Variants in TET2 observed in about 807,000 individuals in gnomAD.
The protein encoded by TET2 is tet methylcytosine dioxygenase 2, also known as methylcytosine dioxygenase TET2.
Under a neutral mutation model 142.9 loss-of-function variants are expected in TET2, and 299 were observed. The observed-to-expected ratio is 2.09, with a 90% CI of 1.90 to 2.30. The LOEUF is 2.30. TET2 is among the 30% of genes most tolerant of loss of function. The probability of loss-of-function intolerance (pLI) is 0.00; values close to 1 mark genes in which losing one functional copy is unlikely to be tolerated. For missense variants in TET2, 2,418 were observed against 2,378.0 expected, an observed-to-expected ratio of 1.02 and a Z score of -0.35; for synonymous variants, 819 against 849.0, an observed-to-expected ratio of 0.96 and a Z score of 0.61.
chr4:105,166,767 G>T (rs1467857703), intron 1 of TET2, among the ~76,000 whole-genome samples: 1 of 151,920 alleles, frequency 6.6e-6, no homozygotes, highest in Non-Finnish European at 1.5e-5. Context: ...GGGAAACATT[G>T]GTACGTTGTT....
chr4:105,172,001 A>T (rs559622365), intron 1 of TET2, among the ~76,000 whole-genome samples: 3 of 152,274 alleles, frequency 2.0e-5, no homozygotes, highest in East Asian at 1.9e-4. Flanking sequence ...TTGGTTTTTC[A>T]TGTGGTACTG....
At chr4:105,239,400 G>A in intron 3 of TET2, 1 of 240,550 alleles carries the variant, frequency 4.2e-6, no homozygotes, top group Non-Finnish European at 8.8e-6. Context: ...ACCTTCATCA[G>A]TGATCTTAGC....
At chr4:105,183,606 TAG>T (rs1305715081) in intron 1 of TET2, among the ~76,000 whole-genome samples, 1 of 152,142 alleles carries the variant, frequency 6.6e-6, no homozygotes, top group Non-Finnish European at 1.5e-5. Flanking sequence ...TATGGAGGAT[TAG>T]AGTCAGAATT....
chr4:105,275,602 A>G lies in TET2; in HGVS notation c.5092A>G (p.Asn1698Asp). Residue 1698 changes from asparagine (N) to aspartate (D), a missense_variant, in exon 11 of 11, where the codon AAC becomes GAC. By Grantham distance (23) the Asn-to-Asp change is conservative. Coordinates refer to ENST00000380013, the MANE Select transcript of TET2 (RefSeq NM_001127208.3). ...SFTSKYLGYG[N>D]QNMQGDGFSS... is the part of the protein sequence containing the mutation. ...TACATCTAAATACTTAGGTTATGGA[A>G]ACCAAAATATGCAGGGAGATGGTTT... The G allele has an allele frequency of 6.4e-7, 1 of 1,551,796 alleles. No individual in the cohort carries two copies. Among genetic ancestry groups the G allele is most frequent in the Non-Finnish European group, 8.7e-7 (1 of 1,146,998 alleles).
At chr4:105,195,111 A>C (rs1215557079) in intron 2 of TET2, among the ~76,000 whole-genome samples, 1 of 152,160 alleles carries the variant, frequency 6.6e-6, no homozygotes, top group Non-Finnish European at 1.5e-5. Flanking sequence ...TTTTAGAACA[A>C]GTAAAGCATG....
At chr4:105,242,967 G>A in intron 5 of TET2, 40 bp downstream of exon 5, 1 of 1,504,442 alleles carries the variant, frequency 6.6e-7, no homozygotes, top group Non-Finnish European at 9.0e-7. Flanking sequence ...TTAAATCTTG[G>A]GCATTTTGAT....
intron 9 of TET2, 46 bp downstream of exon 9, chr4:105,269,793 A>T (rs988544353): frequency 1.3e-6 from 2 of 1,542,716 alleles, no homozygotes; most frequent in South Asian, 2.4e-5. Context: ...GTCTGTTCTC[A>T]CACTGCTAAT....
At chr4:105,161,193 A>C (rs183176359) in intron 1 of TET2, among the ~76,000 whole-genome samples, 2 of 152,354 alleles carry the variant, frequency 1.3e-5, no homozygotes. Context: ...ATTTAGAGGA[A>C]ATTACCAAAA....
Position 105,160,571 on chromosome 4 carries a change from T to C in TET2, c.-193+13592T>C, listed in dbSNP as rs576656566. ...ATTAGATCATCAAAGATGAAATTTA[T>C]AGTAATTGAAAAGTTAGCTCATTTG... On this transcript the variant is annotated intron_variant, in intron 1 of 10. Transcript: ENST00000380013. Among the ~76,000 whole-genome samples the C allele has an allele frequency of 7.2e-5, 11 of 152,376 alleles. 1 individual carries two copies. The East Asian group carries it at 2.1e-3, about 29-fold the overall frequency.
In TET2 at chr4:105,275,224, CG is replaced by C; in HGVS notation, c.4716del (p.Asn1574IlefsTer22). ...TGGATCCACCAATCCATACATGAGA[CG>C]GCCCAATCCAGTTAGTCCTTATCCA... The part of the protein sequence containing the change: ...ASGSTNPYMR[R>X]PNPVSPYPNS... On this transcript the variant is annotated frameshift_variant, in exon 11 of 11. Transcript: ENST00000380013. LOFTEE classifies it low-confidence loss of function (END_TRUNC). The C allele has an allele frequency of 6.4e-7, 1 of 1,552,322 alleles. No homozygotes were observed. The highest frequency in any genetic ancestry group is 8.7e-7 in the Non-Finnish European group (1 of 1,147,118).
rs1413157006 is a variant in TET2 at position 105,190,748 on chromosome 4, A to G, written c.-47+243A>G. 1.2e-5 allele frequency: 5 copies of G among 434,634 alleles called. No homozygotes were observed. The South Asian group carries it at 1.3e-4, about 12-fold the overall frequency. The allele number at this position is 434,634 out of a possible 1,614,324, so 26.9% of individuals were successfully genotyped here. A position where few individuals can be genotyped will look rare whatever the true frequency, so the allele number is the denominator to read the frequency against. ...AAAGATAGATTTTTATCAATTCTCA[A>G]TGTCTATGGAGTTTTTAAAAAGAGG... On this transcript the variant is annotated intron_variant, in intron 2 of 10. Coordinates refer to ENST00000380013, the MANE Select transcript of TET2 (RefSeq NM_001127208.3).
At position 105,233,997 on chromosome 4, in the gene TET2, A is replaced by C. The variant is rs1286727147; in HGVS notation, c.55A>C (p.Ile19Leu). 6.2e-7 allele frequency: 1 copy of C among 1,614,002 alleles called. No homozygotes were observed. Among genetic ancestry groups the C allele is most frequent in the Non-Finnish European group, 8.5e-7 (1 of 1,180,018 alleles). ...GGGCAACAGACTAAGTCCATTCCTG[A>C]TACCATCACCTCCCATTTGCCAGAC... The part of the protein sequence containing the change: ...VEGNRLSPFL[I>L]PSPPICQTEP... Residue 19 changes from isoleucine to leucine, a missense_variant, in exon 3 of 11, where the codon ATA becomes CTA. Transcript: ENST00000380013.
chr4:105,175,098 A>G (rs2080852491), intron 1 of TET2, among the ~76,000 whole-genome samples: 1 of 152,164 alleles, frequency 6.6e-6, no homozygotes, highest in African/African-American at 2.4e-5. Flanking sequence ...TCCCTTTCCC[A>G]CACCTTTTAC....
Position 105,275,598 on chromosome 4 carries a change from T to A in TET2, c.5088T>A (p.Tyr1696Ter). 1 of 1,551,788 alleles carries A rather than the reference T, an allele frequency of 6.4e-7. No homozygotes were observed. The highest frequency in any genetic ancestry group is 8.7e-7 in the Non-Finnish European group (1 of 1,147,004). ...SQSFTSKYLG[Y>*]GNQNMQGDGF... ...GTTTTACATCTAAATACTTAGGTTA[T>A]GGAAACCAAAATATGCAGGGAGATG... Residue 1696 changes from tyrosine (Y) to a stop codon, truncating the protein, a stop_gained, in exon 11 of 11, where the codon TAT (tyrosine) becomes TAA (stop). Transcript: ENST00000380013. LOFTEE classifies it low-confidence loss of function (END_TRUNC).
At chr4:105,201,732 CTTTTTTTTTTTTTT>C (rs70964636) in intron 2 of TET2, among the ~76,000 whole-genome samples, 7 of 63,068 alleles carry the variant, frequency 1.1e-4, no homozygotes, top group African/African-American at 4.8e-4. Context: ...CATCCAGGAC[CTTTTTTTTTTTTTT>C]TTTTTTTTTT....
chr4:105,259,861 C>G, intron 7 of TET2, 92 bp downstream of exon 7: 2 of 1,263,118 alleles, frequency 1.6e-6, no homozygotes, highest in Non-Finnish European at 2.1e-6. Flanking sequence ...TCTTGGTAAG[C>G]TCTTATTAAT....
At chr4:105,256,041 ACT>A (rs1161522564) in intron 6 of TET2, among the ~76,000 whole-genome samples, 1 of 151,826 alleles carries the variant, frequency 6.6e-6, no homozygotes, top group Non-Finnish European at 1.5e-5. Flanking sequence ...CCCTCTTTTT[ACT>A]CTGTGCTATT....
intron 7 of TET2, among the ~76,000 whole-genome samples, chr4:105,260,332 A>C (rs1338267159): frequency 6.6e-6 from 1 of 152,118 alleles, no homozygotes; most frequent in Non-Finnish European, 1.5e-5. Context: ...CAAATTGATA[A>C]ATTTAACAAC....
chr4:105,232,397 T>C (rs1242098072), intron 2 of TET2, among the ~76,000 whole-genome samples: 3 of 152,222 alleles, frequency 2.0e-5, no homozygotes, highest in Non-Finnish European at 2.9e-5. Context: ...ATGGGATTGC[T>C]CGGTCAGATG....
Sources: allele counts gnomAD v4.1 joint callset (sites outside exome capture counted in the v4.1 genomes callset), GRCh38; gene constraint gnomAD v4.1.1; transcripts MANE v1.5; gene names NCBI Gene and HGNC (gene_info 2026-07-23, HGNC 2026-07-21).